PTP4A3: variants seen among roughly 807,000 people sequenced by gnomAD.
PTP4A3 encodes protein tyrosine phosphatase 4A3.
PTP4A3 carries 9 observed loss-of-function variants against 15.2 expected under a neutral mutation model. The observed-to-expected ratio is 0.59, with a 90% CI of 0.36 to 1.03. PTP4A3 has a LOEUF of 1.03. Ranked by LOEUF, PTP4A3 falls within the 50% of genes least tolerant of loss-of-function variation. The pLI is 0.02. For synonymous variants in PTP4A3, 95 were observed against 102.0 expected (o/e 0.93, Z 0.41); for missense variants, 234 against 252.1 (o/e 0.93, Z 0.49).
rs758014095 is a variant in PTP4A3, at chr8:141,426,947, G to T, written c.207G>T (p.Pro69=). The T allele has an allele frequency of 6.2e-7, 1 of 1,611,166 alleles. No individual in the cohort carries two copies. The change falls in exon 4 of 6, where the codon CCG becomes CCT. Residue 69 remains proline, a synonymous_variant. Coordinates refer to ENST00000521578, the MANE Select transcript of PTP4A3 (RefSeq NM_032611.3). ...EKDGITVVDW[P]FDDGAPPPGK... The stretch of plus-strand genomic sequence containing the variant: ...TCTGCTTCCCTCCGTAGGACTGGCC[G>T]TTTGACGATGGGGCGCCCCCGCCCG...
chr8:141,401,497 C>G (rs1269808829), intron 1 of PTP4A3, among the ~76,000 whole-genome samples: 1 of 152,206 alleles, frequency 6.6e-6, no homozygotes, highest in Non-Finnish European at 1.5e-5. Flanking sequence ...GCGGGTCCAT[C>G]TCAGCAGATG....
chr8:141,407,213 C>T (rs1832752952), intron 1 of PTP4A3, among the ~76,000 whole-genome samples: 1 of 152,370 alleles, frequency 6.6e-6, no homozygotes, highest in African/African-American at 2.4e-5. Context: ...ACTCTCAGGC[C>T]TCCCCACCTC....
intron 1 of PTP4A3, among the ~76,000 whole-genome samples, chr8:141,414,895 G>A (rs890467446): frequency 6.6e-6 from 1 of 152,042 alleles, no homozygotes; most frequent in Non-Finnish European, 1.5e-5. Context: ...TGATGGGGGA[G>A]GGGCAAGTGA....
intron 1 of PTP4A3, among the ~76,000 whole-genome samples, chr8:141,416,137 C>T (rs1251922097): frequency 4.6e-5 from 7 of 152,142 alleles, no homozygotes; most frequent in African/African-American, 1.4e-4. Context: ...CCAGAGGCGA[C>T]GGGCTCTGTC....
At chr8:141,423,707 T>C (rs1833436945) in intron 2 of PTP4A3, among the ~76,000 whole-genome samples, 1 of 151,262 alleles carries the variant, frequency 6.6e-6, no homozygotes, top group South Asian at 2.1e-4. Context: ...CAGGGCTCAG[T>C]ATGTGACCAG....
intron 1 of PTP4A3, among the ~76,000 whole-genome samples, chr8:141,399,151 G>A (rs949875997): frequency 3.3e-5 from 5 of 152,084 alleles, no homozygotes; most frequent in African/African-American, 9.7e-5. Flanking sequence ...TGTGGCACAC[G>A]GTGTGCTTTA....
intron 1 of PTP4A3, among the ~76,000 whole-genome samples, chr8:141,410,729 C>T (rs540407491): frequency 6.8e-4 from 103 of 152,264 alleles, no homozygotes; most frequent in Admixed American, 1.8e-3. Flanking sequence ...TGAGGCACAG[C>T]GAGGTTGAGG....
intron 5 of PTP4A3, among the ~76,000 whole-genome samples, 180 bp downstream of exon 5, chr8:141,428,004 G>A (rs1030090499): frequency 2.6e-5 from 4 of 152,114 alleles, no homozygotes; most frequent in Non-Finnish European, 5.9e-5. Context: ...GGTGGGGACA[G>A]CAGCCCCCGA....
At chr8:141,410,135 A>AT (rs1472498144) in intron 1 of PTP4A3, among the ~76,000 whole-genome samples, 1 of 152,172 alleles carries the variant, frequency 6.6e-6, no homozygotes, top group Non-Finnish European at 1.5e-5. Context: ...CCCTCATGCC[A>AT]TGGCCTGGGC....
chr8:141,392,250 C>A (rs1414469385), intron 1 of PTP4A3, among the ~76,000 whole-genome samples, 166 bp downstream of exon 1: 2 of 151,792 alleles, frequency 1.3e-5, no homozygotes, highest in African/African-American at 4.8e-5. Context: ...CGGGACCCTG[C>A]GCCTGGCGGC....
At chr8:141,426,726 T>G in intron 3 of PTP4A3, 1 of 954,718 alleles carries the variant, frequency 1.0e-6, no homozygotes, top group Non-Finnish European at 1.2e-6. Flanking sequence ...ATAGCTGCAG[T>G]GTACAGGGAA....
intron 1 of PTP4A3, among the ~76,000 whole-genome samples, chr8:141,397,287 C>G (rs1409559629): frequency 6.6e-6 from 1 of 152,208 alleles, no homozygotes; most frequent in Non-Finnish European, 1.5e-5. Context: ...GAGGCTGATG[C>G]TCTGTCACTT....
chr8:141,422,312 C>G lies in PTP4A3; in HGVS notation c.72C>G (p.Asn24Lys), dbSNP rs777497023. The G allele has an allele frequency of 4.5e-5, 72 of 1,613,380 alleles. No individual in the cohort carries two copies. The highest frequency in any genetic ancestry group is 1.5e-4 in the Admixed American group (9 of 60,010). The change falls in exon 2 of 6, where the codon AAC becomes AAG. Residue 24 changes from asparagine to lysine, a missense_variant. Physicochemically the swap from Asn to Lys is moderately conservative, Grantham distance 94 (BLOSUM62 0). Coordinates refer to ENST00000521578, the MANE Select transcript of PTP4A3 (RefSeq NM_032611.3). Reference sequence around the variant, plus strand: ...ACATGCGCTTCCTCATCACCCACAACCCCACCAACGCCACGCTCAGCACCT... The same window carrying G: ...ACATGCGCTTCCTCATCACCCACAAGCCCACCAACGCCACGCTCAGCACCT... Reference protein sequence around the residue: ...YKHMRFLITHNPTNATLSTFI... With the variant: ...YKHMRFLITHKPTNATLSTFI...
chr8:141,393,361 C>T (rs550115445), intron 1 of PTP4A3, among the ~76,000 whole-genome samples: 58 of 152,334 alleles, frequency 3.8e-4, no homozygotes, highest in Non-Finnish European at 6.5e-4. Flanking sequence ...CCCATCACCA[C>T]GCCGGCCCCC....
intron 1 of PTP4A3, among the ~76,000 whole-genome samples, chr8:141,413,886 T>G (rs1024819419): frequency 6.6e-6 from 1 of 150,520 alleles, no homozygotes; most frequent in African/African-American, 2.5e-5. Context: ...CAGGAGGACA[T>G]GGAGGATTCA....
rs1469964047 is a variant in PTP4A3 at position 141,431,992 on chromosome 8, C to G, written c.*948C>G. 6.6e-6 allele frequency: 1 copy of G among 152,368 alleles called. No homozygotes were observed. Among genetic ancestry groups the G allele is most frequent in the African/African-American group, 2.4e-5 (1 of 41,552 alleles). 9.4% of individuals were successfully genotyped at this position (152,368 alleles called of 1,614,324 possible). ...AGGGAGGGAGGGTGCCACCTGGGCACCTGGGGCTGGATGTGAGAGGCCTGG... is the reference window on the plus strand; with the variant it reads ...AGGGAGGGAGGGTGCCACCTGGGCAGCTGGGGCTGGATGTGAGAGGCCTGG... On this transcript the variant is annotated 3_prime_UTR_variant, in exon 6 of 6. Coordinates refer to ENST00000521578, the MANE Select transcript of PTP4A3 (RefSeq NM_032611.3).
At chr8:141,405,771 G>A (rs1004342476) in intron 1 of PTP4A3, among the ~76,000 whole-genome samples, 1 of 152,038 alleles carries the variant, frequency 6.6e-6, no homozygotes, top group Non-Finnish European at 1.5e-5. Flanking sequence ...GACAGGTCTC[G>A]GTGGCTAGCA....
intron 1 of PTP4A3, among the ~76,000 whole-genome samples, chr8:141,395,361 C>T (rs1832418618): frequency 6.6e-6 from 1 of 152,204 alleles, no homozygotes; most frequent in Non-Finnish European, 1.5e-5. Flanking sequence ...CTAAGGACCC[C>T]TAGGTGGGGC....
intron 4 of PTP4A3, 149 bp from the exon 5 acceptor site, chr8:141,427,601 T>C (rs1336891013): frequency 1.5e-6 from 1 of 650,138 alleles, no homozygotes; most frequent in Non-Finnish European, 2.6e-6. Flanking sequence ...CAGGCTGGGC[T>C]GTGAGGCTGT....
Sources: allele counts gnomAD v4.1 joint callset (sites outside exome capture counted in the v4.1 genomes callset), GRCh38; gene constraint gnomAD v4.1.1; transcripts MANE v1.5; gene names NCBI Gene and HGNC (gene_info 2026-07-23, HGNC 2026-07-21).